ZDHHC14: variants seen among roughly 807,000 people sequenced by gnomAD.
ZDHHC14 encodes palmitoyltransferase ZDHHC14.
In ZDHHC14, 16 loss-of-function variants were observed where a neutral mutation model predicts 47.7. That is an observed-to-expected ratio of 0.34 (90% confidence interval 0.23 to 0.51). The LOEUF (loss-of-function observed/expected upper bound fraction) is 0.51, where lower values mean the gene tolerates loss of function less well. ZDHHC14 is among the 20% of genes least tolerant of loss of function. The probability of loss-of-function intolerance (pLI) is 0.97; values close to 1 mark genes in which losing one functional copy is unlikely to be tolerated. For synonymous variants in ZDHHC14, 293 were observed against 278.9 expected, an observed-to-expected ratio of 1.05 and a Z score of -0.50; for missense variants, 515 against 662.5, an observed-to-expected ratio of 0.78 and a Z score of 2.44.
At chr6:157,593,637 G>C (rs1335091301) in intron 3 of ZDHHC14, among the ~76,000 whole-genome samples, 1 of 152,194 alleles carries the variant, frequency 6.6e-6, no homozygotes, top group Non-Finnish European at 1.5e-5. Context: ...GACGACGAAG[G>C]CCTCCCCTCT....
intron 1 of ZDHHC14, among the ~76,000 whole-genome samples, chr6:157,538,361 A>T (rs1178568412): frequency 3.9e-5 from 6 of 152,188 alleles, no homozygotes; most frequent in Admixed American, 3.9e-4. Flanking sequence ...ATCTGTCTGA[A>T]GGAAGTTACA....
At chr6:157,499,551 G>A (rs139853009) in intron 1 of ZDHHC14, among the ~76,000 whole-genome samples, 48 of 150,182 alleles carry the variant, frequency 3.2e-4, no homozygotes, top group Non-Finnish European at 5.5e-4. Flanking sequence ...GAACCCATTC[G>A]CTCCATAGCA....
At chr6:157,618,574 G>C (rs1219541100) in intron 3 of ZDHHC14, among the ~76,000 whole-genome samples, 1 of 152,012 alleles carries the variant, frequency 6.6e-6, no homozygotes, top group Middle Eastern at 3.2e-3. Flanking sequence ...CACCCACCTC[G>C]GCCTCCCAAA....
intron 1 of ZDHHC14, among the ~76,000 whole-genome samples, chr6:157,531,416 C>A (rs1461866912): frequency 6.6e-6 from 1 of 152,052 alleles, no homozygotes; most frequent in Non-Finnish European, 1.5e-5. Flanking sequence ...TCTGGGGCTC[C>A]CTGTCCTTGC....
At chr6:157,517,925 G>T (rs760346183) in intron 1 of ZDHHC14, among the ~76,000 whole-genome samples, 7 of 152,164 alleles carry the variant, frequency 4.6e-5, no homozygotes, top group Admixed American at 4.6e-4. Context: ...AAAGCCCCAC[G>T]TGTGAACCAC....
At chr6:157,394,441 C>T (rs150320713) in intron 1 of ZDHHC14, among the ~76,000 whole-genome samples, 1,788 of 152,330 alleles carry the variant, frequency 0.012, 15 homozygotes, top group Non-Finnish European at 0.016. Flanking sequence ...CTCTCTCTCA[C>T]TTGGGACGTG....
At chr6:157,484,518 C>T (rs187799896) in intron 1 of ZDHHC14, among the ~76,000 whole-genome samples, 13 of 147,778 alleles carry the variant, frequency 8.8e-5, no homozygotes, top group African/African-American at 2.7e-4. Context: ...AATCTGCATA[C>T]GTACCCCTGA....
At chr6:157,551,234 G>A (rs971760655) in intron 2 of ZDHHC14, among the ~76,000 whole-genome samples, 2 of 152,172 alleles carry the variant, frequency 1.3e-5, no homozygotes, top group Non-Finnish European at 2.9e-5. Context: ...CTCCTGGGGT[G>A]CTGGCCACTG....
At chr6:157,456,035 G>A (rs1053633864) in intron 1 of ZDHHC14, among the ~76,000 whole-genome samples, 1 of 152,096 alleles carries the variant, frequency 6.6e-6, no homozygotes, top group Non-Finnish European at 1.5e-5. Flanking sequence ...TTGCTTTTTC[G>A]GCGAGGATTT....
At chr6:157,383,953 A>G (rs1046986020) in intron 1 of ZDHHC14, among the ~76,000 whole-genome samples, 1 of 152,190 alleles carries the variant, frequency 6.6e-6, no homozygotes, top group African/African-American at 2.4e-5. Context: ...CCATGAGTTT[A>G]CGTTATCTGT....
At chr6:157,561,018 C>CA (rs1489593845) in intron 2 of ZDHHC14, among the ~76,000 whole-genome samples, 3 of 152,054 alleles carry the variant, frequency 2.0e-5, no homozygotes, top group African/African-American at 7.2e-5. Flanking sequence ...AAACTAAAAC[C>CA]AAAAAATAGT....
At chr6:157,670,705 T>C (rs1778758701) in intron 8 of ZDHHC14, among the ~76,000 whole-genome samples, 1 of 152,116 alleles carries the variant, frequency 6.6e-6, no homozygotes, top group Non-Finnish European at 1.5e-5. Flanking sequence ...AGCTTCTCAG[T>C]GTTTTGCAAT....
rs1187065924 is a variant in ZDHHC14 at position 157,579,190 on chromosome 6, GTTTTTTTTTTT to G, written c.407-13782_407-13772del. ...GCCATTTTAATGATATTGATTCTGT[GTTTTTTTTTTT>G]TTTTTTTTTTTTTTTGGATGGAGTC... On this transcript the variant is annotated intron_variant, in intron 2 of 8. Coordinates refer to ENST00000359775, the MANE Select transcript of ZDHHC14 (RefSeq NM_024630.3). Among the ~76,000 whole-genome samples the G allele has an allele frequency of 4.7e-4, 30 of 63,970 alleles. 1 individual carries two copies. In the East Asian group the frequency reaches 7.8e-3, roughly 17 times the overall value. The allele number at this position is 63,970 out of a possible 152,430, so 42.0% of individuals were successfully genotyped here. A position where few individuals can be genotyped will look rare whatever the true frequency, so the allele number is the denominator to read the frequency against.
intron 1 of ZDHHC14, among the ~76,000 whole-genome samples, chr6:157,475,729 A>G (rs1426035396): frequency 2.0e-5 from 3 of 152,156 alleles, no homozygotes; most frequent in Admixed American, 2.0e-4. Flanking sequence ...TTGATTTTGT[A>G]TGCTGTAACA....
chr6:157,505,651 T>C (rs1345660033), intron 1 of ZDHHC14, among the ~76,000 whole-genome samples: 1 of 152,230 alleles, frequency 6.6e-6, no homozygotes, highest in Admixed American at 6.5e-5. Flanking sequence ...GATTAAAGGC[T>C]GTACCATGAG....
chr6:157,441,441 T>C (rs1778558931), intron 1 of ZDHHC14, among the ~76,000 whole-genome samples: 1 of 152,230 alleles, frequency 6.6e-6, no homozygotes, highest in Non-Finnish European at 1.5e-5. Flanking sequence ...AGATGTGTTG[T>C]GTGGGAGTGA....
chr6:157,542,915 G>C (rs886862116), intron 2 of ZDHHC14, among the ~76,000 whole-genome samples, 170 bp downstream of exon 2: 1 of 152,232 alleles, frequency 6.6e-6, no homozygotes, highest in African/African-American at 2.4e-5. Flanking sequence ...TGAAGAAGAG[G>C]TGGGATATAA....
intron 4 of ZDHHC14, chr6:157,630,879 TACAC>T (rs543236556): frequency 1.5e-5 from 2 of 136,702 alleles, no homozygotes; most frequent in African/African-American, 5.7e-5. Context: ...CACATAGCCT[TACAC>T]ACACATCCTT....
chr6:157,635,976 C>T (rs1776953082), intron 5 of ZDHHC14, among the ~76,000 whole-genome samples: 1 of 152,144 alleles, frequency 6.6e-6, no homozygotes, highest in Admixed American at 6.5e-5. Flanking sequence ...TGGGTGCTGA[C>T]TCTTTCCTCC....
Sources: allele counts gnomAD v4.1 joint callset (sites outside exome capture counted in the v4.1 genomes callset), GRCh38; gene constraint gnomAD v4.1.1; transcripts MANE v1.5; gene names NCBI Gene and HGNC (gene_info 2026-07-23, HGNC 2026-07-21).